The following SCAF4 variants were observed in gnomAD, a reference collection of about 807,000 sequenced individuals.
The protein encoded by SCAF4 is SR-related CTD associated factor 4.
Under a neutral mutation model 129.8 loss-of-function variants are expected in SCAF4, and 25 were observed. The observed-to-expected ratio is 0.19, with a 90% CI of 0.14 to 0.27. The LOEUF (loss-of-function observed/expected upper bound fraction) is 0.27, where lower values mean the gene tolerates loss of function less well. Among genes scored for constraint, SCAF4 ranks in the 10% least tolerant of loss-of-function variants. The probability of loss-of-function intolerance (pLI) is 1.00; values close to 1 mark genes in which losing one functional copy is unlikely to be tolerated. For synonymous variants in SCAF4, 551 were observed against 497.7 expected, an observed-to-expected ratio of 1.11 and a Z score of -1.43; for missense variants, 1,246 against 1,457.1, an observed-to-expected ratio of 0.86 and a Z score of 2.36.
At chr21:31,699,122 A>C (rs898739658) in intron 7 of SCAF4, among the ~76,000 whole-genome samples, 1 of 152,192 alleles carries the variant, frequency 6.6e-6, no homozygotes, top group Non-Finnish European at 1.5e-5. Context: ...GAAATAAACA[A>C]ATATATTAGT....
chr21:31,675,975 G>A (rs1331946795), intron 19 of SCAF4, among the ~76,000 whole-genome samples: 4 of 152,178 alleles, frequency 2.6e-5, no homozygotes, highest in Admixed American at 6.5e-5. Flanking sequence ...GGATACAAAA[G>A]GCATATAATG....
Position 31,693,446 on chromosome 21 carries a change from G to C in SCAF4, c.1361C>G (p.Ser454Cys), listed in dbSNP as rs375101237. Residue 454 changes from serine (S) to cysteine (C), a missense_variant, in exon 12 of 20, where the codon TCT becomes TGT. By Grantham distance (112) the Ser-to-Cys change is moderately radical. Around this residue, in one of 6 missense-constraint regions of SCAF4, gnomAD observed 468 missense variants for 605.5 expected, o/e 0.77. Coordinates refer to ENST00000286835, the MANE Select transcript of SCAF4 (RefSeq NM_020706.2). ...AGAACGTCGATGCCGAGACCTTCGA[G>C]ATCTAGAACCAGATCTAGATCGCCT... ...KRRRSRSGSR[S>C]RRSRHRRSRS... The C allele has an allele frequency of 5.8e-6, 9 of 1,546,446 alleles. No homozygotes were observed. Among genetic ancestry groups the C allele is most frequent in the Non-Finnish European group, 7.9e-6 (9 of 1,134,860 alleles).
chr21:31,725,957 A>C (rs2051192272), intron 1 of SCAF4, among the ~76,000 whole-genome samples: 1 of 152,126 alleles, frequency 6.6e-6, no homozygotes, highest in African/African-American at 2.4e-5. Context: ...ATTAATAAAC[A>C]CTTGCATTTC....
In SCAF4 at chr21:31,671,803, C is replaced by G; in HGVS notation, c.3040G>C (p.Glu1014Gln). The change falls in exon 20 of 20, where the codon GAA (glutamate) becomes CAA (glutamine). Residue 1014 changes from glutamate (E) to glutamine (Q), a missense_variant. Glu to Gln is a conservative substitution (Grantham distance 29). Transcript: ENST00000286835. ...SFGNRVENDR[E>Q]RYGNRNDDRD... ...TCATCATTACGGTTCCCATACCGTT[C>G]CCGGTCATTTTCCACCCTATTTCCA... 6.2e-7 allele frequency: 1 copy of G among 1,613,960 alleles called. No homozygotes were observed. Among genetic ancestry groups the G allele is most frequent in the South Asian group, 1.1e-5 (1 of 91,080 alleles).
chr21:31,703,672 T>C, intron 4 of SCAF4, 93 bp downstream of exon 4: 1 of 665,462 alleles, frequency 1.5e-6, no homozygotes, highest in East Asian at 2.8e-5. Flanking sequence ...ATGAAAATCT[T>C]ATCTGGTAAT....
At chr21:31,721,023 A>G (rs1052228091) in intron 1 of SCAF4, among the ~76,000 whole-genome samples, 4 of 152,220 alleles carry the variant, frequency 2.6e-5, no homozygotes, top group African/African-American at 9.6e-5. Flanking sequence ...AAATCCATCC[A>G]TTTAAAATGG....
intron 1 of SCAF4, among the ~76,000 whole-genome samples, chr21:31,712,549 A>T (rs1393126174): frequency 1.1e-5 from 1 of 94,518 alleles, no homozygotes. Flanking sequence ...TTTTTTTGAG[A>T]CAAAGCCTTG....
chr21:31,706,370 AAAAC>A lies in SCAF4; in HGVS notation c.31-17_31-14del, dbSNP rs745335443. ...TAAGCGAAAAGAGCTTAAAAGACAA[AAAAC>A]AAACAAAAAGTAAAGTTTAACTATT... On this transcript the variant is annotated splice_polypyrimidine_tract_variant and intron_variant, in intron 1 of 19. Transcript: ENST00000286835. The A allele has an allele frequency of 3.4e-5, 53 of 1,551,284 alleles. No individual in the cohort carries two copies. The highest frequency in any genetic ancestry group is 1.6e-4 in the African/African-American group (12 of 72,810).
At chr21:31,722,338 T>C (rs2051089393) in intron 1 of SCAF4, among the ~76,000 whole-genome samples, 1 of 152,168 alleles carries the variant, frequency 6.6e-6, no homozygotes, top group Non-Finnish European at 1.5e-5. Flanking sequence ...TCCAATCCTA[T>C]TGTACCTATA....
At chr21:31,717,087 C>T (rs887531252) in intron 1 of SCAF4, among the ~76,000 whole-genome samples, 3 of 152,150 alleles carry the variant, frequency 2.0e-5, no homozygotes, top group African/African-American at 7.2e-5. Context: ...CATTATCCAA[C>T]GGACATGCAT....
intron 2 of SCAF4, 22 bp from the exon 3 acceptor site, chr21:31,705,489 T>G: frequency 2.6e-6 from 3 of 1,155,730 alleles, no homozygotes; most frequent in Non-Finnish European, 3.7e-6. Flanking sequence ...TAAGAGAAAA[T>G]TACTGTTCAG....
intron 16 of SCAF4, among the ~76,000 whole-genome samples, chr21:31,687,017 G>T (rs2050141953): frequency 6.6e-6 from 1 of 152,192 alleles, no homozygotes; most frequent in Non-Finnish European, 1.5e-5. Context: ...CACTGGAGGG[G>T]CATATCCAGA....
At chr21:31,724,170 A>C (rs2051145390) in intron 1 of SCAF4, among the ~76,000 whole-genome samples, 1 of 152,128 alleles carries the variant, frequency 6.6e-6, no homozygotes, top group Non-Finnish European at 1.5e-5. Context: ...ATAAATTATA[A>C]TATTGTTTGT....
intron 1 of SCAF4, among the ~76,000 whole-genome samples, chr21:31,710,737 T>C (rs1343463469): frequency 3.3e-5 from 5 of 152,152 alleles, no homozygotes; most frequent in Non-Finnish European, 7.4e-5. Flanking sequence ...ACAAATCTTG[T>C]TTATTTAGTT....
chr21:31,728,917 C>G (rs1355870759), intron 1 of SCAF4, among the ~76,000 whole-genome samples: 1 of 152,170 alleles, frequency 6.6e-6, no homozygotes, highest in Non-Finnish European at 1.5e-5. Flanking sequence ...TCACCACTCT[C>G]TCAGCCCTTA....
chr21:31,713,989 T>C (rs2050865679), intron 1 of SCAF4, among the ~76,000 whole-genome samples: 1 of 152,090 alleles, frequency 6.6e-6, no homozygotes, highest in African/African-American at 2.4e-5. Flanking sequence ...AATCTACTAG[T>C]GAGAAAAACC....
intron 14 of SCAF4, 124 bp downstream of exon 14, chr21:31,691,693 A>G: frequency 2.9e-6 from 1 of 341,360 alleles, no homozygotes; most frequent in Non-Finnish European, 5.2e-6. Context: ...AAAAAAAAAG[A>G]TGCACATGAA....
At chr21:31,705,627 C>G (rs2050639507) in intron 2 of SCAF4, among the ~76,000 whole-genome samples, 160 bp from the exon 3 acceptor site, 1 of 151,748 alleles carries the variant, frequency 6.6e-6, no homozygotes, top group Non-Finnish European at 1.5e-5. Context: ...TTAAAAAACT[C>G]AGAGAAAAAT....
chr21:31,728,487 A>G (rs56000351), intron 1 of SCAF4, among the ~76,000 whole-genome samples: 34,683 of 152,094 alleles, frequency 0.23, 5,506 homozygotes, highest in East Asian at 0.51. Context: ...ATCTTCGGAC[A>G]CAATTAAATT....
Sources: gnomAD v4.1 joint callset for allele counts (sites outside exome capture counted in the v4.1 genomes callset) on GRCh38, gnomAD v4.1.1 for gene constraint, gnomAD v4.1.1 regional missense constraint, MANE v1.5 for transcripts, NCBI Gene and HGNC (gene_info 2026-07-23, HGNC 2026-07-21) for gene names.